NTRK3: variants seen among roughly 807,000 people sequenced by gnomAD.
The protein encoded by NTRK3 is neurotrophic receptor tyrosine kinase 3.
Under a neutral mutation model 91.7 loss-of-function variants are expected in NTRK3, and 24 were observed. The ratio of observed to expected loss-of-function variants is 0.26; its 90% confidence interval spans 0.19 to 0.37. The LOEUF (loss-of-function observed/expected upper bound fraction) is 0.37. Ranked by LOEUF, NTRK3 falls within the 10% of genes least tolerant of loss-of-function variation. NTRK3 has a pLI of 1.00. For missense variants in NTRK3, 880 were observed against 1,068.9 expected (o/e 0.82, Z 2.46); for synonymous variants, 483 against 404.0 (o/e 1.20, Z -2.34).
rs182870458 is a variant in NTRK3 at position 88,153,699 on chromosome 15, A to G, written c.396-6296T>C. Among the ~76,000 whole-genome samples the G allele has an allele frequency of 2.9e-3, 437 of 152,202 alleles. 1 individual carries two copies. Among genetic ancestry groups the G allele is most frequent in the African/African-American group, 1.0e-2 (414 of 41,520 alleles). ...CTAGAGGTTAAGAGGTCCAAGATCAATGGGGCAGCAGATTCAAGGATCCAC... is the reference window on the plus strand; with the variant it reads ...CTAGAGGTTAAGAGGTCCAAGATCAGTGGGGCAGCAGATTCAAGGATCCAC... On this transcript the variant is annotated intron_variant, in intron 5 of 18. Transcript: ENST00000394480.
At chr15:88,062,783 T>C (rs1383363137) in intron 13 of NTRK3, among the ~76,000 whole-genome samples, 1 of 152,238 alleles carries the variant, frequency 6.6e-6, no homozygotes, top group East Asian at 1.9e-4. Flanking sequence ...TTGCTTCCAT[T>C]ACTATTTTTG....
At chr15:87,877,913 T>C (rs771822652) in intron 18 of NTRK3, among the ~76,000 whole-genome samples, 1 of 151,994 alleles carries the variant, frequency 6.6e-6, no homozygotes, top group Non-Finnish European at 1.5e-5. Flanking sequence ...TGGCCCAACA[T>C]ACTGAAGGAG....
intron 6 of NTRK3, among the ~76,000 whole-genome samples, chr15:88,145,071 T>A (rs2042761699): frequency 6.6e-6 from 1 of 151,982 alleles, no homozygotes; most frequent in African/African-American, 2.4e-5. Flanking sequence ...ACACAACCCA[T>A]CCCCACGCCC....
At chr15:87,980,583 C>T (rs1042733360) in intron 14 of NTRK3, among the ~76,000 whole-genome samples, 2 of 152,020 alleles carry the variant, frequency 1.3e-5, no homozygotes, top group African/African-American at 4.8e-5. Flanking sequence ...ACAGAGTAAG[C>T]CTATCTTTTT....
At chr15:87,968,619 A>G (rs1015919920) in intron 14 of NTRK3, among the ~76,000 whole-genome samples, 1 of 152,194 alleles carries the variant, frequency 6.6e-6, no homozygotes, top group Non-Finnish European at 1.5e-5. Context: ...TTGGAGCTCT[A>G]CTGATGATCT....
rs116798917 is a variant in NTRK3, at chr15:88,141,739, C to A, written c.465-4178G>T. On this transcript the variant is annotated intron_variant, in intron 6 of 18. Transcript: ENST00000394480. ...GCACATCCCAGCATCTCATGGCCCC[C>A]CAAAGGCAGACAGCATGAGAATGTC... Among the ~76,000 whole-genome samples the A allele has an allele frequency of 6.4e-3, 968 of 152,320 alleles. 12 individuals carry two copies. The highest frequency in any genetic ancestry group is 0.022 in the African/African-American group (911 of 41,586).
intron 13 of NTRK3, among the ~76,000 whole-genome samples, chr15:88,089,040 CCAT>C (rs761840041): frequency 2.5e-4 from 38 of 152,008 alleles, no homozygotes; most frequent in Non-Finnish European, 4.9e-4. Context: ...AACTCCTCAG[CCAT>C]CATCATCATC....
intron 16 of NTRK3, among the ~76,000 whole-genome samples, chr15:87,930,530 G>A (rs1294933290): frequency 2.0e-5 from 3 of 152,178 alleles, no homozygotes; most frequent in Non-Finnish European, 4.4e-5. Context: ...TCACAAGGAA[G>A]AGGGGTCAGC....
chr15:88,026,254 G>C (rs2078030654), intron 14 of NTRK3, among the ~76,000 whole-genome samples: 1 of 152,160 alleles, frequency 6.6e-6, no homozygotes, highest in Non-Finnish European at 1.5e-5. Context: ...CTGGGCGACA[G>C]AGTGAAACTC....
chr15:87,876,889 G>C (rs1046126203), exon 19 of NTRK3: 1 of 1,600,538 alleles, frequency 6.2e-7, no homozygotes, highest in East Asian at 2.2e-5. Context: ...TGTGAGGCAG[G>C]GAGAGAGGAG....
chr15:87,979,338 G>A, intron 14 of NTRK3: 1 of 1,588,354 alleles, frequency 6.3e-7, no homozygotes, highest in Non-Finnish European at 8.6e-7. Flanking sequence ...AGGCTTAAAA[G>A]GAGTTTTTAA....
At chr15:87,910,348 A>G (rs2067012588) in intron 17 of NTRK3, among the ~76,000 whole-genome samples, 1 of 152,150 alleles carries the variant, frequency 6.6e-6, no homozygotes, top group Non-Finnish European at 1.5e-5. Flanking sequence ...TGCTATAAGG[A>G]AAGACATAGC....
intron 3 of NTRK3, among the ~76,000 whole-genome samples, chr15:88,191,247 C>T (rs181341554): frequency 5.3e-5 from 8 of 151,142 alleles, no homozygotes; most frequent in African/African-American, 1.9e-4. Flanking sequence ...GGCTGGAGTG[C>T]AGTGATCTCA....
intron 13 of NTRK3, among the ~76,000 whole-genome samples, chr15:88,107,322 A>T (rs2050826033): frequency 6.6e-6 from 1 of 152,180 alleles, no homozygotes. Context: ...ATGTGCCTGT[A>T]GTCCCAGCTA....
At chr15:87,973,240 G>A (rs1379877766) in intron 14 of NTRK3, among the ~76,000 whole-genome samples, 1 of 152,160 alleles carries the variant, frequency 6.6e-6, no homozygotes, top group African/African-American at 2.4e-5. Context: ...TATCACCCGT[G>A]CAGAAATCTC....
rs1485378273 is a variant in NTRK3 at position 88,240,974 on chromosome 15, T to G, written c.248+14932A>C. On this transcript the variant is annotated intron_variant, in intron 3 of 18. Coordinates refer to ENST00000394480, the Ensembl canonical transcript of NTRK3. This position sits in a 1 kb window ranked among gnomAD's most constrained non-coding sequence, Gnocchi z 4.9. ...CAAGCTGGGAGGGTTGCTGTGGGCC[T>G]GGGGGACATTCTGGTGCAGGAAATG... 6.6e-6 allele frequency among the ~76,000 whole-genome samples: 1 copy of G among 152,160 alleles called. No individual in the cohort carries two copies. The highest frequency in any genetic ancestry group is 1.5e-5 in the Non-Finnish European group (1 of 68,034).
At chr15:88,193,833 G>GA (rs967489219) in intron 3 of NTRK3, among the ~76,000 whole-genome samples, 9 of 151,728 alleles carry the variant, frequency 5.9e-5, no homozygotes, top group African/African-American at 1.9e-4. Context: ...TCTACAAAAA[G>GA]AAAAAAAACC....
chr15:87,940,537 C>T (rs2069730703), intron 15 of NTRK3, 86 bp downstream of exon 15: 2 of 1,593,584 alleles, frequency 1.3e-6, no homozygotes, highest in Middle Eastern at 2.3e-4. Flanking sequence ...TGAGCACTAT[C>T]TTCTCAAATG....
At chr15:88,192,570 G>A (rs952152101) in intron 3 of NTRK3, among the ~76,000 whole-genome samples, 4 of 152,022 alleles carry the variant, frequency 2.6e-5, no homozygotes, top group African/African-American at 9.7e-5. Context: ...ACCCTCCAAT[G>A]GCTTCCTTTG....
Sources: allele counts gnomAD v4.1 joint callset (sites outside exome capture counted in the v4.1 genomes callset), GRCh38; gene constraint gnomAD v4.1.1; non-coding constraint Gnocchi (gnomAD v3.1); transcripts MANE v1.5; gene names NCBI Gene and HGNC (gene_info 2026-07-23, HGNC 2026-07-21).